Variants in STX11 observed in about 807,000 individuals in gnomAD.
STX11 encodes the protein syntaxin 11.
STX11 carries 21 observed loss-of-function variants against 19.9 expected under a neutral mutation model. The ratio of observed to expected loss-of-function variants is 1.06; its 90% CI spans 0.75 to 1.52. STX11 has a LOEUF of 1.52. STX11 is among the 40% of genes most tolerant of loss of function. The pLI, the probability that STX11 is intolerant of heterozygous loss-of-function variation, is 0.00. For synonymous variants in STX11, 193 were observed against 174.4 expected, an observed-to-expected ratio of 1.11 and a Z score of -0.84; for missense variants, 438 against 405.9, an observed-to-expected ratio of 1.08 and a Z score of -0.68.
rs541030481 is a variant in STX11, at chr6:144,169,858, GT to G, written c.-5-16759del. 8.5e-5 allele frequency among the ~76,000 whole-genome samples: 13 copies of G among 152,138 alleles called. No homozygotes were observed. The South Asian group carries it at 2.5e-3, about 29-fold the overall frequency. On this transcript the variant is annotated intron_variant, in intron 1 of 1. Transcript: ENST00000367568. The surrounding 1 kb of genome is among the most constrained non-coding windows in gnomAD (Gnocchi z 5.2). ...ACACCACCACACCTGGCTTTTGTTT[GT>G]TTTTTGTAGAGCCATAGTCTCACTA... is the stretch of plus-strand genomic sequence containing the variant.
chr6:144,145,581 G>GA (rs1554290137), upstream of STX11, among the ~76,000 whole-genome samples: 2 of 152,194 alleles, frequency 1.3e-5, no homozygotes, highest in Non-Finnish European at 2.9e-5. Flanking sequence ...ACAGAAGAAG[G>GA]AAATCTTGTC....
rs974649436 is a variant in STX11 at position 144,180,769 on chromosome 6, A to G, written c.-5-5854A>G. On this transcript the variant is annotated intron_variant, in intron 1 of 1. Transcript: ENST00000367568. The surrounding 1 kb of genome is among the most constrained non-coding windows in gnomAD (Gnocchi z 5.3). ...GAGGTAGGTGGAAACCTGCTTTCTG[A>G]ATTGTTCCTTCCTGATATGACAGAA... 3.3e-5 allele frequency among the ~76,000 whole-genome samples: 5 copies of G among 152,174 alleles called. No individual in the cohort carries two copies. Among genetic ancestry groups the G allele is most frequent in the Non-Finnish European group, 1.5e-5 (1 of 68,038 alleles).
intron 1 of STX11, among the ~76,000 whole-genome samples, chr6:144,163,736 C>T (rs750267185): frequency 2.6e-5 from 4 of 152,124 alleles, no homozygotes; most frequent in Non-Finnish European, 4.4e-5. Flanking sequence ...GCACCCTCCT[C>T]AGCCTCCCAA....
rs1437698112 is a variant in STX11 at position 144,176,054 on chromosome 6, G to A, written c.-5-10569G>A. 6.6e-6 allele frequency among the ~76,000 whole-genome samples: 1 copy of A among 152,172 alleles called. No individual in the cohort carries two copies. The highest frequency in any genetic ancestry group is 1.5e-5 in the Non-Finnish European group (1 of 68,034). Reference sequence around the variant, plus strand: ...TTAGGAAAAAGAAAGAAGTGGCTGGGCTACTGCAGACAGGTTCTTCTTTTA... The same window carrying A: ...TTAGGAAAAAGAAAGAAGTGGCTGGACTACTGCAGACAGGTTCTTCTTTTA... On this transcript the variant is annotated intron_variant, in intron 1 of 1. Transcript: ENST00000367568. The surrounding 1 kb of genome is among the most constrained non-coding windows in gnomAD (Gnocchi z 4.1).
In STX11 at chr6:144,155,497, C is replaced by T. The variant is rs1042255122; in HGVS notation, c.-6+4794C>T. Among the ~76,000 whole-genome samples, 5 of 152,186 alleles carry T rather than the reference C, an allele frequency of 3.3e-5. No individual in the cohort carries two copies. Among genetic ancestry groups the T allele is most frequent in the African/African-American group, 7.2e-5 (3 of 41,438 alleles). On this transcript the variant is annotated intron_variant, in intron 1 of 1. Coordinates refer to ENST00000367568, the MANE Select transcript of STX11 (RefSeq NM_003764.4). The surrounding 1 kb of genome is among the most constrained non-coding windows in gnomAD (Gnocchi z 4.5). ...ATGAAATGAGAGTGACATGAAGCCT[C>T]GCAGGGTAATAGAGCCCACATGTCT...
chr6:144,168,854 A>G (rs922174006), intron 1 of STX11, among the ~76,000 whole-genome samples: 8 of 152,268 alleles, frequency 5.3e-5, no homozygotes, highest in African/African-American at 1.9e-4. Flanking sequence ...ACCTTGTCAC[A>G]TGGGTGAAGT....
chr6:144,172,830 A>G lies in STX11; in HGVS notation c.-5-13793A>G, dbSNP rs1401442081. ...TGAACAGGCTGTCTTTCCCATACAC[A>G]TCCAACATATAATGATGAGATAGGA... On this transcript the variant is annotated intron_variant, in intron 1 of 1. Coordinates refer to ENST00000367568, the MANE Select transcript of STX11 (RefSeq NM_003764.4). The surrounding 1 kb of genome is among the most constrained non-coding windows in gnomAD (Gnocchi z 4.2). 1.3e-5 allele frequency among the ~76,000 whole-genome samples: 2 copies of G among 151,918 alleles called. No homozygotes were observed. Among genetic ancestry groups the G allele is most frequent in the Admixed American group, 1.3e-4 (2 of 15,218 alleles).
At position 144,187,188 on chromosome 6, in the gene STX11, C is replaced by T; in HGVS notation, c.561C>T (p.Asp187=). The T allele has an allele frequency of 1.2e-6, 2 of 1,613,910 alleles. No homozygotes were observed. Among genetic ancestry groups the T allele is most frequent in the African/African-American group, 1.3e-5 (1 of 75,024 alleles). ...IEDMFEQGKW[D]VFSENLLADV... ...ACATGTTCGAGCAGGGTAAGTGGGA[C>T]GTGTTTTCCGAGAACTTGCTGGCCG... The change falls in exon 2 of 2, where the codon GAC becomes GAT. Residue 187 remains aspartate (D), a synonymous_variant. Coordinates refer to ENST00000367568, the MANE Select transcript of STX11 (RefSeq NM_003764.4). The surrounding 1 kb of genome is among the most constrained non-coding windows in gnomAD (Gnocchi z 5.6).
intron 1 of STX11, among the ~76,000 whole-genome samples, chr6:144,157,792 AC>A (rs1267981282): frequency 6.6e-6 from 1 of 152,078 alleles, no homozygotes; most frequent in Non-Finnish European, 1.5e-5. Flanking sequence ...CATAACACAC[AC>A]CAGTCCTTGC....
rs1038952946 is a variant in STX11, at chr6:144,155,907, T to C, written c.-6+5204T>C. Among the ~76,000 whole-genome samples the C allele has an allele frequency of 4.6e-5, 7 of 152,146 alleles. No homozygotes were observed. Among genetic ancestry groups the C allele is most frequent in the Non-Finnish European group, 7.3e-5 (5 of 68,048 alleles). ...TAGAATTGGTAATTTTCAGTTGCCCTTCTTGAGCTAATTAAATGTGTTTTA... is the reference window on the plus strand; with the variant it reads ...TAGAATTGGTAATTTTCAGTTGCCCCTCTTGAGCTAATTAAATGTGTTTTA... On this transcript the variant is annotated intron_variant, in intron 1 of 1. Coordinates refer to ENST00000367568, the MANE Select transcript of STX11 (RefSeq NM_003764.4). This position sits in a 1 kb window ranked among gnomAD's most constrained non-coding sequence, Gnocchi z 4.5.
At chr6:144,150,161 G>A (rs1037781583), upstream of STX11, among the ~76,000 whole-genome samples, 1 of 152,218 alleles carries the variant, frequency 6.6e-6, no homozygotes, top group Non-Finnish European at 1.5e-5. Flanking sequence ...CAGCGTCCTC[G>A]CCGCGGCAAC....
At position 144,174,509 on chromosome 6, in the gene STX11, G is replaced by T. The variant is rs938288535; in HGVS notation, c.-5-12114G>T. ...CTTAGCCTCCCGAGTAGCTGGGACT[G>T]CAGGTGTGCACCACCACACCCGGCT... On this transcript the variant is annotated intron_variant, in intron 1 of 1. Transcript: ENST00000367568. The surrounding 1 kb of genome is among the most constrained non-coding windows in gnomAD (Gnocchi z 5.3). 2.2e-4 allele frequency among the ~76,000 whole-genome samples: 33 copies of T among 151,932 alleles called. No homozygotes were observed. Among genetic ancestry groups the T allele is most frequent in the African/African-American group, 8.0e-4 (33 of 41,394 alleles).
chr6:144,158,793 A>AT (rs1214247776), intron 1 of STX11, among the ~76,000 whole-genome samples: 2 of 152,188 alleles, frequency 1.3e-5, no homozygotes, highest in African/African-American at 2.4e-5. Context: ...ATTGGCAATG[A>AT]TTTTTTCTTC....
rs1293314599 is a variant in STX11 at position 144,175,769 on chromosome 6, A to G, written c.-5-10854A>G. 6.6e-6 allele frequency among the ~76,000 whole-genome samples: 1 copy of G among 152,230 alleles called. No individual in the cohort carries two copies. Among genetic ancestry groups the G allele is most frequent in the Non-Finnish European group, 1.5e-5 (1 of 68,044 alleles). On this transcript the variant is annotated intron_variant, in intron 1 of 1. Coordinates refer to ENST00000367568, the MANE Select transcript of STX11 (RefSeq NM_003764.4). This position sits in a 1 kb window ranked among gnomAD's most constrained non-coding sequence, Gnocchi z 5.1. Reference sequence around the variant, plus strand: ...GGTGGTTGGGTTGATTAAGGAAGGAACACAGTAAGTAGCTGCTCCTTACCC... The same window carrying G: ...GGTGGTTGGGTTGATTAAGGAAGGAGCACAGTAAGTAGCTGCTCCTTACCC...
At chr6:144,168,387 C>G (rs1039422180) in intron 1 of STX11, among the ~76,000 whole-genome samples, 1 of 152,198 alleles carries the variant, frequency 6.6e-6, no homozygotes, top group African/African-American at 2.4e-5. Flanking sequence ...CATCTATAGG[C>G]ACTTTTTCTG....
Position 144,153,915 on chromosome 6 carries a change from C to G in STX11, c.-6+3212C>G, listed in dbSNP as rs946987896. Among the ~76,000 whole-genome samples, 1 of 152,148 alleles carries G rather than the reference C, an allele frequency of 6.6e-6. No homozygotes were observed. The highest frequency in any genetic ancestry group is 2.4e-5 in the African/African-American group (1 of 41,424). On this transcript the variant is annotated intron_variant, in intron 1 of 1. Coordinates refer to ENST00000367568, the MANE Select transcript of STX11 (RefSeq NM_003764.4). This position sits in a 1 kb window ranked among gnomAD's most constrained non-coding sequence, Gnocchi z 5.0. ...GCTAAAGGGTGGTGAGGAGCTCACACAGTACTTGGCACATAATCAGTGCTC... is the reference window on the plus strand; with the variant it reads ...GCTAAAGGGTGGTGAGGAGCTCACAGAGTACTTGGCACATAATCAGTGCTC...
At chr6:144,178,007 A>G (rs4895634) in intron 1 of STX11, among the ~76,000 whole-genome samples, 51,042 of 152,090 alleles carry the variant, frequency 0.34, 8,833 homozygotes, top group Middle Eastern at 0.39. Context: ...TGGTGACAGT[A>G]TTTCCATGTG....
At position 144,186,940 on chromosome 6, in the gene STX11, C is replaced by T; in HGVS notation, c.313C>T (p.Arg105Cys). The stretch of plus-strand genomic sequence containing the variant: ...GGGCGAGGTCATCCACTGCAAGCTG[C>T]GCGCCATGAAGGAGCTGAGCGAGGC... ...ARGEVIHCKL[R>C]AMKELSEAAE... The change falls in exon 2 of 2, where the codon CGC (arginine) becomes TGC (cysteine). Residue 105 changes from arginine (R) to cysteine (C), a missense_variant. By Grantham distance (180) the Arg-to-Cys change is radical. Coordinates refer to ENST00000367568, the MANE Select transcript of STX11 (RefSeq NM_003764.4). 6.2e-7 allele frequency: 1 copy of T among 1,609,762 alleles called. No individual in the cohort carries two copies. Among genetic ancestry groups the T allele is most frequent in the Non-Finnish European group, 8.5e-7 (1 of 1,179,910 alleles).
At position 144,187,922 on chromosome 6, in the gene STX11, CT is replaced by C; in HGVS notation, c.*432del. ...TCATTTACTTTGTCCTGAAAATTCC[CT>C]GGTTCTGTTCCATTTTGAGCGAAAT... On this transcript the variant is annotated 3_prime_UTR_variant, in exon 2 of 2. Transcript: ENST00000367568. This position sits in a 1 kb window ranked among gnomAD's most constrained non-coding sequence, Gnocchi z 5.6. The C allele has an allele frequency of 3.1e-6, 1 of 318,434 alleles. No homozygotes were observed. Among genetic ancestry groups the C allele is most frequent in the African/African-American group, 2.1e-5 (1 of 47,320 alleles). The allele number at this position is 318,434 out of a possible 1,614,324, so 19.7% of individuals were successfully genotyped here. A position where few individuals can be genotyped will look rare whatever the true frequency, so the allele number is the denominator to read the frequency against.
Sources: gnomAD v4.1 joint callset for allele counts (sites outside exome capture counted in the v4.1 genomes callset) on GRCh38, gnomAD v4.1.1 for gene constraint, Gnocchi (gnomAD v3.1) non-coding constraint, MANE v1.5 for transcripts, NCBI Gene and HGNC (gene_info 2026-07-23, HGNC 2026-07-21) for gene names.